PYGO1: variants seen among roughly 807,000 people sequenced by gnomAD.
The protein encoded by PYGO1 is pygopus homolog 1.
In PYGO1, 6 loss-of-function variants were observed where a neutral mutation model predicts 29.5. That is an observed-to-expected ratio of 0.20 (90% CI 0.11 to 0.40). PYGO1 has a LOEUF of 0.40. Ranked by LOEUF, PYGO1 falls within the 10% of genes least tolerant of loss-of-function variation. The pLI, the probability that PYGO1 is intolerant of heterozygous loss-of-function variation, is 1.00. For synonymous variants in PYGO1, 186 were observed against 180.5 expected (o/e 1.03, Z -0.24); for missense variants, 515 against 514.9 (o/e 1.00, Z 0.00).
chr15:55,561,156 AG>A (rs369291293), intron 1 of PYGO1, among the ~76,000 whole-genome samples: 1 of 152,224 alleles, frequency 6.6e-6, no homozygotes, highest in African/African-American at 2.4e-5. Flanking sequence ...ACAACGAAAC[AG>A]AAGAGAGAAC....
intron 1 of PYGO1, among the ~76,000 whole-genome samples, chr15:55,566,584 A>G (rs1414182877): frequency 6.6e-6 from 1 of 152,130 alleles, no homozygotes; most frequent in Admixed American, 6.5e-5. Context: ...TCTTTGGGGT[A>G]TATATCCAGT....
At position 55,541,002 on chromosome 15, in the gene PYGO1, C is replaced by T. The variant is rs1485481342; in HGVS notation, c.*5021G>A. 2 of 152,266 alleles carry T rather than the reference C, an allele frequency of 1.3e-5. No homozygotes were observed. The highest frequency in any genetic ancestry group is 3.9e-4 in the East Asian group (2 of 5,190). 9.4% of individuals were successfully genotyped at this position (152,266 alleles called of 1,614,324 possible). A position where few individuals can be genotyped will look rare whatever the true frequency, so the allele number is the denominator to read the frequency against. On this transcript the variant is annotated 3_prime_UTR_variant, in exon 3 of 3. Coordinates refer to ENST00000563719, the MANE Select transcript of PYGO1 (RefSeq NM_001367806.1). ...TTTGACAAACAAGCAACATCATCTA[C>T]ACATCTACAGAACAAGAAAGGTACA...
chr15:55,571,833 A>C (rs1225604941), intron 1 of PYGO1, among the ~76,000 whole-genome samples: 1 of 152,148 alleles, frequency 6.6e-6, no homozygotes, highest in Non-Finnish European at 1.5e-5. Context: ...ATTTTTTCGT[A>C]ATATGGCCAT....
intron 1 of PYGO1, among the ~76,000 whole-genome samples, chr15:55,569,813 C>T (rs2058973227): frequency 6.6e-6 from 1 of 152,170 alleles, no homozygotes; most frequent in Non-Finnish European, 1.5e-5. Flanking sequence ...GTCCTATAGA[C>T]ATATCTACCA....
At chr15:55,566,192 C>T (rs886362656) in intron 1 of PYGO1, among the ~76,000 whole-genome samples, 3 of 152,088 alleles carry the variant, frequency 2.0e-5, no homozygotes, top group Non-Finnish European at 4.4e-5. Context: ...CACCCAGGTG[C>T]TGAGCATAGG....
chr15:55,569,344 T>A (rs1421531400), intron 1 of PYGO1, among the ~76,000 whole-genome samples: 4 of 151,366 alleles, frequency 2.6e-5, no homozygotes. Flanking sequence ...AGTTTGTTCT[T>A]GTTTTTCTAG....
rs1465631650 is a variant in PYGO1 at position 55,587,911 on chromosome 15, C to CA, written c.-29dup. The CA allele has an allele frequency of 1.4e-6, 2 of 1,465,416 alleles. No individual in the cohort carries two copies. Among genetic ancestry groups the CA allele is most frequent in the Non-Finnish European group, 1.8e-6 (2 of 1,107,132 alleles). The allele number at this position is 1,465,416 out of a possible 1,614,324, so 90.8% of individuals were successfully genotyped here. On this transcript the variant is annotated 5_prime_UTR_variant, in exon 1 of 3. Coordinates refer to ENST00000563719, the MANE Select transcript of PYGO1 (RefSeq NM_001367806.1). ...CAGACCGCAAAGCATGACTCCCCCC[C>CA]AGGCCGCGGGAATTCGGTCTCTTTG...
chr15:55,560,481 A>C (rs755174743), intron 1 of PYGO1, among the ~76,000 whole-genome samples: 5 of 152,210 alleles, frequency 3.3e-5, no homozygotes, highest in African/African-American at 4.8e-5. Flanking sequence ...AGAGACGTAA[A>C]GGACCTCTTC....
rs1443276378 is a variant in PYGO1, at chr15:55,571,272, C to T, written c.49+16563G>A. Among the ~76,000 whole-genome samples the T allele has an allele frequency of 2.0e-5, 3 of 152,288 alleles. No individual in the cohort carries two copies. In the East Asian group the frequency reaches 5.8e-4, roughly 29 times the overall value. On this transcript the variant is annotated intron_variant, in intron 1 of 2. Coordinates refer to ENST00000563719, the MANE Select transcript of PYGO1 (RefSeq NM_001367806.1). The stretch of plus-strand genomic sequence containing the variant: ...TTATCCATTTATCTGTAGATGCATA[C>T]CTCGGTTGTTTCTACCTTTTAGCTA...
Position 55,587,928 on chromosome 15 carries a change from G to C in PYGO1, c.-45C>G. The C allele has an allele frequency of 1.4e-6, 2 of 1,463,558 alleles. No homozygotes were observed. The highest frequency in any genetic ancestry group is 1.8e-6 in the Non-Finnish European group (2 of 1,106,018). 90.7% of individuals were successfully genotyped at this position (1,463,558 alleles called of 1,614,324 possible). The stretch of plus-strand genomic sequence containing the variant: ...CTCCCCCCCAGGCCGCGGGAATTCG[G>C]TCTCTTTGATGCTGCGGCGGCGGCT... On this transcript the variant is annotated 5_prime_UTR_variant, in exon 1 of 3. Coordinates refer to ENST00000563719, the MANE Select transcript of PYGO1 (RefSeq NM_001367806.1).
Position 55,540,603 on chromosome 15 carries a change from A to G in PYGO1, c.*5420T>C, listed in dbSNP as rs1362813137. On this transcript the variant is annotated 3_prime_UTR_variant, in exon 3 of 3. Transcript: ENST00000563719. ...TATTGATGTTTCACATACTTCATAG[A>G]GTAGCTTAAAACATACCAGCATAAG... 6.6e-6 allele frequency: 1 copy of G among 152,180 alleles called. No homozygotes were observed. The highest frequency in any genetic ancestry group is 1.5e-5 in the Non-Finnish European group (1 of 68,004). 9.4% of individuals were successfully genotyped at this position (152,180 alleles called of 1,614,324 possible).
At chr15:55,572,274 G>C (rs1243893994) in intron 1 of PYGO1, among the ~76,000 whole-genome samples, 1 of 152,090 alleles carries the variant, frequency 6.6e-6, no homozygotes, top group Non-Finnish European at 1.5e-5. Context: ...ATTTGGCAAA[G>C]GTACCAAGAG....
chr15:55,564,687 C>T (rs1567055637), intron 1 of PYGO1, among the ~76,000 whole-genome samples: 1 of 152,168 alleles, frequency 6.6e-6, no homozygotes, highest in Non-Finnish European at 1.5e-5. Flanking sequence ...GAAATGTATA[C>T]TCTAAGATAG....
At chr15:55,553,877 G>GA (rs1269495211) in intron 1 of PYGO1, among the ~76,000 whole-genome samples, 1 of 152,092 alleles carries the variant, frequency 6.6e-6, no homozygotes, top group East Asian at 1.9e-4. Flanking sequence ...CCAGGTACAG[G>GA]AAAAACTGAG....
chr15:55,572,097 A>G (rs1320992243), intron 1 of PYGO1, among the ~76,000 whole-genome samples: 7 of 152,202 alleles, frequency 4.6e-5, no homozygotes, highest in Admixed American at 2.6e-4. Context: ...TGGAACCACT[A>G]AAGATTCTGA....
intron 1 of PYGO1, among the ~76,000 whole-genome samples, chr15:55,554,312 T>TA (rs2058893308): frequency 6.6e-6 from 1 of 151,486 alleles, no homozygotes; most frequent in East Asian, 1.9e-4. Flanking sequence ...AAAATATATT[T>TA]AAAAAAATTA....
At chr15:55,578,666 T>C (rs939940945) in intron 1 of PYGO1, among the ~76,000 whole-genome samples, 2 of 152,232 alleles carry the variant, frequency 1.3e-5, no homozygotes, top group Admixed American at 6.5e-5. Flanking sequence ...TGGAGAAATG[T>C]CTATTCAATC....
intron 1 of PYGO1, among the ~76,000 whole-genome samples, chr15:55,572,820 A>C (rs1350293379): frequency 6.6e-6 from 1 of 152,066 alleles, no homozygotes; most frequent in East Asian, 1.9e-4. Context: ...ATCAAATCAA[A>C]ACCACAATGA....
Position 55,544,054 on chromosome 15 carries a change from A to T in PYGO1, c.*1969T>A, listed in dbSNP as rs913956799. ...AGGAGTACCTAGAAGTATAGTTTAT[A>T]TCATTTTGTTTCCTAAAATTGTAAA... is the stretch of plus-strand genomic sequence containing the variant. On this transcript the variant is annotated 3_prime_UTR_variant, in exon 3 of 3. Transcript: ENST00000563719. 1.3e-5 allele frequency: 2 copies of T among 152,200 alleles called. No individual in the cohort carries two copies. The allele number at this position is 152,200 out of a possible 1,614,324, so 9.4% of individuals were successfully genotyped here.
Sources: allele counts gnomAD v4.1 joint callset (sites outside exome capture counted in the v4.1 genomes callset), GRCh38; gene constraint gnomAD v4.1.1; transcripts MANE v1.5; gene names NCBI Gene and HGNC (gene_info 2026-07-23, HGNC 2026-07-21).